The following TCAIM variants were observed in gnomAD, a reference collection of about 807,000 sequenced individuals.
The protein encoded by TCAIM is T cell activation inhibitor, mitochondrial.
In TCAIM, 36 loss-of-function variants were observed where a neutral mutation model predicts 58.6. That is an observed-to-expected ratio of 0.61 (90% CI 0.47 to 0.81). TCAIM has a LOEUF of 0.81. Among genes scored for constraint, TCAIM ranks in the 30% least tolerant of loss-of-function variants. The probability of loss-of-function intolerance (pLI) is 0.00; values close to 1 mark genes in which losing one functional copy is unlikely to be tolerated. For missense variants in TCAIM, 466 were observed against 579.6 expected, an observed-to-expected ratio of 0.80 and a Z score of 2.01; for synonymous variants, 172 against 193.6, an observed-to-expected ratio of 0.89 and a Z score of 0.93.
chr3:44,394,880 C>A (rs549873036), intron 6 of TCAIM, among the ~76,000 whole-genome samples: 36 of 97,190 alleles, frequency 3.7e-4, no homozygotes, highest in Non-Finnish European at 3.6e-5. Context: ...GGCAACAGAG[C>A]GAGACTGTCT....
intron 1 of TCAIM, among the ~76,000 whole-genome samples, chr3:44,350,435 T>C (rs1263401081): frequency 6.6e-6 from 1 of 151,700 alleles, no homozygotes; most frequent in African/African-American, 2.4e-5. Context: ...TTCATTTTCT[T>C]TCTTTTTTTT....
chr3:44,383,342 T>C (rs1331903706), intron 5 of TCAIM, among the ~76,000 whole-genome samples: 1 of 152,218 alleles, frequency 6.6e-6, no homozygotes, highest in Non-Finnish European at 1.5e-5. Context: ...AAATTTGATA[T>C]ACTCCTACAG....
At chr3:44,384,726 A>G (rs183327250) in intron 5 of TCAIM, among the ~76,000 whole-genome samples, 79 of 152,298 alleles carry the variant, frequency 5.2e-4, no homozygotes, top group Non-Finnish European at 1.6e-4. Context: ...TCTCTAGACT[A>G]TTGGAATAAC....
At chr3:44,388,494 A>G (rs1316614456) in intron 5 of TCAIM, among the ~76,000 whole-genome samples, 1 of 152,162 alleles carries the variant, frequency 6.6e-6, no homozygotes, top group Non-Finnish European at 1.5e-5. Flanking sequence ...TGTTGTTTTC[A>G]GTGTATTATA....
In TCAIM at chr3:44,400,505, G is replaced by T; in HGVS notation, c.1036G>T (p.Asp346Tyr). The T allele has an allele frequency of 6.2e-7, 1 of 1,613,728 alleles. No individual in the cohort carries two copies. The highest frequency in any genetic ancestry group is 8.5e-7 in the Non-Finnish European group (1 of 1,179,842). ...ACTTGAAGAATATTACTCTCTTCTT[G>T]ATGTGTTTTATAATAGACTGTTGAA... ...LTLEEYYSLL[D>Y]VFYNRLLKSR... Residue 346 changes from aspartate to tyrosine, a missense_variant, in exon 9 of 11, where the codon GAT (aspartate) becomes TAT (tyrosine). Physicochemically the swap from Asp to Tyr is radical, Grantham distance 160. Coordinates refer to ENST00000342649, the MANE Select transcript of TCAIM (RefSeq NM_173826.4).
rs544920484 is a variant in TCAIM at position 44,367,492 on chromosome 3, A to G, written c.356A>G (p.Asp119Gly). The change falls in exon 5 of 11, where the codon GAT becomes GGT. Residue 119 changes from aspartate (D) to glycine (G), a missense_variant. Physicochemically the swap from Asp to Gly is moderately conservative, Grantham distance 94. Coordinates refer to ENST00000342649, the MANE Select transcript of TCAIM (RefSeq NM_173826.4). Reference protein sequence around the residue: ...RAVKFTLHTRDLLSTVLYILN... With the variant: ...RAVKFTLHTRGLLSTVLYILN... ...GTCAAATTTACTTTGCACACCAGAG[A>G]TCTGCTAAGCACAGTGTTATATATT... 1.2e-6 allele frequency: 2 copies of G among 1,613,768 alleles called. No individual in the cohort carries two copies. The highest frequency in any genetic ancestry group is 1.7e-5 in the Admixed American group (1 of 60,016).
chr3:44,339,081 A>C (rs1331505423), intron 1 of TCAIM, among the ~76,000 whole-genome samples: 1 of 135,054 alleles, frequency 7.4e-6, no homozygotes, highest in Non-Finnish European at 1.6e-5. Flanking sequence ...TTTACGGGAA[A>C]TTGTTACGTA....
intron 2 of TCAIM, among the ~76,000 whole-genome samples, chr3:44,357,232 G>C (rs1253026000): frequency 6.6e-6 from 1 of 151,778 alleles, no homozygotes; most frequent in Admixed American, 6.6e-5. Flanking sequence ...GTTGGGTGTG[G>C]TGGCACGTGC....
intron 1 of TCAIM, among the ~76,000 whole-genome samples, chr3:44,342,024 G>T (rs1408895499): frequency 6.6e-6 from 1 of 152,124 alleles, no homozygotes; most frequent in African/African-American, 2.4e-5. Context: ...GTGAGCATCA[G>T]ATACAGACCA....
At chr3:44,364,428 A>G (rs1222345052) in intron 4 of TCAIM, among the ~76,000 whole-genome samples, 1 of 152,174 alleles carries the variant, frequency 6.6e-6, no homozygotes, top group Non-Finnish European at 1.5e-5. Flanking sequence ...TAACACATAT[A>G]AATGTCAGTT....
intron 5 of TCAIM, among the ~76,000 whole-genome samples, chr3:44,388,632 C>T (rs1701782467): frequency 6.6e-6 from 1 of 152,076 alleles, no homozygotes; most frequent in East Asian, 1.9e-4. Context: ...TATCCTTTTA[C>T]TCATTAGATT....
chr3:44,339,378 A>G (rs73829630), intron 1 of TCAIM, among the ~76,000 whole-genome samples: 1,999 of 152,300 alleles, frequency 0.013, 52 homozygotes, highest in African/African-American at 0.045. Flanking sequence ...AGTTGTGCCA[A>G]ATGGTCAAAG....
intron 5 of TCAIM, among the ~76,000 whole-genome samples, chr3:44,377,898 A>G (rs1442627809): frequency 2.0e-5 from 3 of 152,228 alleles, no homozygotes; most frequent in African/African-American, 7.2e-5. Context: ...AGATTTCATG[A>G]TGAAGATGCC....
rs1035689510 is a variant in TCAIM, at chr3:44,352,734, G to A, written c.-44-2005G>A. ...ATGTTGCTTCCACCATTTTAGTATC[G>A]TTCATACAGAATAGTTTCACTGCCC... On this transcript the variant is annotated intron_variant, in intron 1 of 10. Transcript: ENST00000342649. Among the ~76,000 whole-genome samples the A allele has an allele frequency of 5.9e-5, 9 of 151,952 alleles. No homozygotes were observed. The South Asian group carries it at 6.2e-4, about 11-fold the overall frequency.
rs189405681 is a variant in TCAIM at position 44,361,474 on chromosome 3, C to T, written c.275C>T (p.Thr92Ile). The change falls in exon 4 of 11, where the codon ACA (threonine) becomes ATA (isoleucine). Residue 92 changes from threonine to isoleucine, a missense_variant. Coordinates refer to ENST00000342649, the MANE Select transcript of TCAIM (RefSeq NM_173826.4). ...PTQLTFYVRE[T>I]DQSSSDGQEP... ...CAGCTTACATTTTATGTAAGAGAAACAGACCAGAGTTCCTCCGATGGCCAG... is the reference window on the plus strand; with the variant it reads ...CAGCTTACATTTTATGTAAGAGAAATAGACCAGAGTTCCTCCGATGGCCAG... The T allele has an allele frequency of 8.3e-5, 133 of 1,610,920 alleles. No individual in the cohort carries two copies. The highest frequency in any genetic ancestry group is 5.0e-4 in the Admixed American group (30 of 59,442).
intron 4 of TCAIM, 136 bp downstream of exon 4, chr3:44,361,654 A>G (rs2125634944): frequency 1.1e-6 from 1 of 947,334 alleles, no homozygotes; most frequent in East Asian, 2.9e-5. Flanking sequence ...TTGTTTTCCT[A>G]GAATTAGATT....
chr3:44,367,552 A>G lies in TCAIM; in HGVS notation c.416A>G (p.Gln139Arg). The G allele has an allele frequency of 6.2e-7, 1 of 1,614,134 alleles. No homozygotes were observed. Among genetic ancestry groups the G allele is most frequent in the Non-Finnish European group, 8.5e-7 (1 of 1,180,022 alleles). Reference sequence around the variant, plus strand: ...TGCAGTTTATCTGTTGAACATATCCAAAGCTTGAATACTAATATGCATACC... The same window carrying G: ...TGCAGTTTATCTGTTGAACATATCCGAAGCTTGAATACTAATATGCATACC... Reference protein sequence around the residue: ...NSCSLSVEHIQSLNTNMHTQP... With the variant: ...NSCSLSVEHIRSLNTNMHTQP... The change falls in exon 5 of 11, where the codon CAA becomes CGA. Residue 139 changes from glutamine to arginine, a missense_variant. Physicochemically the swap from Gln to Arg is conservative, Grantham distance 43 (BLOSUM62 1). Coordinates refer to ENST00000342649, the MANE Select transcript of TCAIM (RefSeq NM_173826.4).
At chr3:44,383,210 C>T (rs866263545) in intron 5 of TCAIM, among the ~76,000 whole-genome samples, 25 of 152,038 alleles carry the variant, frequency 1.6e-4, no homozygotes, top group African/African-American at 4.6e-4. Context: ...ATAGATTTAC[C>T]GTAAAATTGA....
intron 3 of TCAIM, chr3:44,358,639 T>A: frequency 1.8e-6 from 1 of 555,990 alleles, no homozygotes; most frequent in South Asian, 7.3e-5. Flanking sequence ...AATACTACAC[T>A]ATTTTATATG....
Sources: gnomAD v4.1 joint callset for allele counts (sites outside exome capture counted in the v4.1 genomes callset) on GRCh38, gnomAD v4.1.1 for gene constraint, MANE v1.5 for transcripts, NCBI Gene and HGNC (gene_info 2026-07-23, HGNC 2026-07-21) for gene names.